The following SPAG16 variants were observed in gnomAD, a reference collection of about 807,000 sequenced individuals.
SPAG16 encodes sperm associated antigen 16.
Under a neutral mutation model 80.4 loss-of-function variants are expected in SPAG16, and 86 were observed. That is an observed-to-expected ratio of 1.07 (90% CI 0.90 to 1.28). The LOEUF (loss-of-function observed/expected upper bound fraction) is 1.28. Ranked by LOEUF, SPAG16 falls within the 50% of genes most tolerant of loss-of-function variation. SPAG16 has a pLI of 0.00. For missense variants in SPAG16, 870 were observed against 765.3 expected, an observed-to-expected ratio of 1.14 and a Z score of -1.61; for synonymous variants, 294 against 265.9, an observed-to-expected ratio of 1.11 and a Z score of -1.03.
At chr2:214,300,770 A>T (rs1694490111) in intron 15 of SPAG16, among the ~76,000 whole-genome samples, 1 of 152,026 alleles carries the variant, frequency 6.6e-6, no homozygotes, top group Non-Finnish European at 1.5e-5. Context: ...ATTAATTCAT[A>T]ATCTTCCAAG....
intron 15 of SPAG16, among the ~76,000 whole-genome samples, chr2:214,371,752 C>T (rs1210556405): frequency 6.7e-6 from 1 of 148,204 alleles, no homozygotes; most frequent in Non-Finnish European, 1.5e-5. Flanking sequence ...GTGATCTTGG[C>T]TCACTGCAAC....
In SPAG16 at chr2:214,250,753, TATATAGAGAG is replaced by T. The variant is rs1378268303; in HGVS notation, c.1720+101489_1720+101498del. ...TTTGAGATATATATATATATATATA[TATATAGAGAG>T]AGAGAGAGAGAGAGAGAGAGAGAGA... On this transcript the variant is annotated intron_variant, in intron 15 of 15. Coordinates refer to ENST00000331683, the MANE Select transcript of SPAG16 (RefSeq NM_024532.5). Among the ~76,000 whole-genome samples, 322 of 99,450 alleles carry T rather than the reference TATATAGAGAG, an allele frequency of 3.2e-3. 2 individuals carry two copies. The highest frequency in any genetic ancestry group is 4.2e-3 in the African/African-American group (112 of 26,780). 65.2% of individuals were successfully genotyped at this position (99,450 alleles called of 152,430 possible).
chr2:214,364,626 C>T (rs940606735), intron 15 of SPAG16, among the ~76,000 whole-genome samples: 1 of 152,038 alleles, frequency 6.6e-6, no homozygotes, highest in South Asian at 2.1e-4. Context: ...AAAGCTTCAC[C>T]GAAGAGACAG....
chr2:214,405,079 T>C (rs1053870675), intron 15 of SPAG16, among the ~76,000 whole-genome samples: 1 of 152,172 alleles, frequency 6.6e-6, no homozygotes, highest in African/African-American at 2.4e-5. Context: ...GTGATATTCA[T>C]AAAGAGGCCC....
chr2:213,845,215 T>G (rs202087107), intron 10 of SPAG16, among the ~76,000 whole-genome samples: 1 of 98,930 alleles, frequency 1.0e-5, no homozygotes, highest in South Asian at 3.3e-4. Flanking sequence ...TTTTTTTTTT[T>G]GAGACAGAGT....
chr2:213,967,842 AG>A (rs1257686898), intron 12 of SPAG16, among the ~76,000 whole-genome samples: 1 of 152,174 alleles, frequency 6.6e-6, no homozygotes, highest in East Asian at 1.9e-4. Flanking sequence ...TGCTACATTT[AG>A]GCCAATTTTA....
chr2:214,377,898 G>A (rs1339986177), intron 15 of SPAG16, among the ~76,000 whole-genome samples: 1 of 152,150 alleles, frequency 6.6e-6, no homozygotes, highest in Non-Finnish European at 1.5e-5. Context: ...TACTTTATCT[G>A]GTGAGAGGGA....
At chr2:214,321,454 C>G (rs1028161644) in intron 15 of SPAG16, among the ~76,000 whole-genome samples, 1 of 152,184 alleles carries the variant, frequency 6.6e-6, no homozygotes, top group African/African-American at 2.4e-5. Context: ...GTGGTAAGCA[C>G]AGTTCTGCCC....
intron 10 of SPAG16, among the ~76,000 whole-genome samples, chr2:213,742,552 T>TTCG (rs111719111): frequency 4.5e-5 from 2 of 44,318 alleles, no homozygotes; most frequent in Admixed American, 3.2e-4. Flanking sequence ...TATTTCTTTT[T>TTCG]TTTTTTTTTT....
chr2:213,757,156 C>T (rs1341056330), intron 10 of SPAG16, among the ~76,000 whole-genome samples: 2 of 151,982 alleles, frequency 1.3e-5, no homozygotes, highest in African/African-American at 4.8e-5. Flanking sequence ...GAAATATAAA[C>T]TTAACAGGAG....
intron 10 of SPAG16, among the ~76,000 whole-genome samples, chr2:213,596,474 A>G (rs2060888686): frequency 6.6e-6 from 1 of 152,116 alleles, no homozygotes; most frequent in Non-Finnish European, 1.5e-5. Context: ...ATGAAACATA[A>G]AGGTTGAAAT....
intron 15 of SPAG16, among the ~76,000 whole-genome samples, chr2:214,279,242 A>G (rs1692711188): frequency 6.6e-6 from 1 of 152,068 alleles, no homozygotes; most frequent in African/African-American, 2.4e-5. Context: ...GCCTACAGGC[A>G]TGCACCACAA....
chr2:213,348,161 C>A (rs1034377265), intron 6 of SPAG16, among the ~76,000 whole-genome samples: 30 of 152,120 alleles, frequency 2.0e-4, no homozygotes, highest in African/African-American at 7.2e-4. Context: ...CTCTTCTGAT[C>A]TTTGTTGGTT....
chr2:213,888,964 A>G (rs527715244), intron 11 of SPAG16, among the ~76,000 whole-genome samples: 34 of 152,044 alleles, frequency 2.2e-4, no homozygotes, highest in African/African-American at 7.7e-4. Context: ...GATATACTGA[A>G]TTTTTGCTTT....
rs57025359 is a variant in SPAG16 at position 213,896,592 on chromosome 2, G to GCGCGCACA, written c.1215-33367_1215-33366insGCGCACAC. On this transcript the variant is annotated intron_variant, in intron 11 of 15. Coordinates refer to ENST00000331683, the MANE Select transcript of SPAG16 (RefSeq NM_024532.5). Reference sequence around the variant, plus strand: ...AAATGTGATATATACACACACACACGCACACACACACACACACACACACAT... The same window carrying GCGCGCACA: ...AAATGTGATATATACACACACACACGCGCGCACACACACACACACACACACACACACAT... 1.3e-3 allele frequency among the ~76,000 whole-genome samples: 149 copies of GCGCGCACA among 111,928 alleles called. 2 individuals are homozygous for GCGCGCACA. The highest frequency in any genetic ancestry group is 2.2e-3 in the Non-Finnish European group (117 of 52,452). The allele number at this position is 111,928 out of a possible 152,430, so 73.4% of individuals were successfully genotyped here. A position where few individuals can be genotyped will look rare whatever the true frequency, so the allele number is the denominator to read the frequency against.
intron 9 of SPAG16, chr2:213,422,584 CCA>C (rs1168767373): frequency 2.6e-6 from 1 of 391,104 alleles, no homozygotes; most frequent in African/African-American, 2.0e-5. Flanking sequence ...GTACCACCAG[CCA>C]CAGAGGTTTC....
chr2:213,634,280 A>T (rs1476455267), intron 10 of SPAG16, among the ~76,000 whole-genome samples: 1 of 152,222 alleles, frequency 6.6e-6, no homozygotes, highest in Non-Finnish European at 1.5e-5. Flanking sequence ...AAACAAACAA[A>T]CAAAATGAAC....
chr2:214,029,607 A>G lies in SPAG16; in HGVS notation c.1527+15530A>G, dbSNP rs139261394. Among the ~76,000 whole-genome samples the G allele has an allele frequency of 2.4e-5, 3 of 124,278 alleles. No homozygotes were observed. The East Asian group carries it at 8.2e-4, about 34-fold the overall frequency. 81.5% of individuals were successfully genotyped at this position (124,278 alleles called of 152,430 possible). On this transcript the variant is annotated intron_variant, in intron 13 of 15. Transcript: ENST00000331683. ...AGGAAGATGTGGTTAGAGAAAATTA[A>G]ACACACAAAAGAAAAGAATGTGGAG...
intron 10 of SPAG16, among the ~76,000 whole-genome samples, chr2:213,618,593 C>A (rs543616678): frequency 7.2e-5 from 11 of 152,274 alleles, no homozygotes; most frequent in Admixed American, 1.3e-4. Flanking sequence ...ACAGAAGGCC[C>A]TTCCTTTCCA....
Sources: allele counts gnomAD v4.1 joint callset (sites outside exome capture counted in the v4.1 genomes callset), GRCh38; gene constraint gnomAD v4.1.1; transcripts MANE v1.5; gene names NCBI Gene and HGNC (gene_info 2026-07-23, HGNC 2026-07-21).